The following APOL6 variants were observed in gnomAD, a reference collection of about 807,000 sequenced individuals.
APOL6 encodes the protein apolipoprotein L6.
A neutral mutation model predicts 2.4 loss-of-function variants in APOL6; 1 was observed. That is an observed-to-expected ratio of 0.41 (90% confidence interval 0.15 to 1.94). The LOEUF (loss-of-function observed/expected upper bound fraction) is 1.94. APOL6 is among the 30% of genes most tolerant of loss of function. The pLI is 0.30. For missense variants in APOL6, 438 were observed against 429.2 expected (o/e 1.02, Z -0.18); for synonymous variants, 189 against 169.3 (o/e 1.12, Z -0.90).
Position 35,668,262 on chromosome 22 carries a change from T to C in APOL6, c.*8666T>C, listed in dbSNP as rs1925247119. 6.6e-6 allele frequency: 1 copy of C among 152,228 alleles called. No homozygotes were observed. The highest frequency in any genetic ancestry group is 2.4e-5 in the African/African-American group (1 of 41,450). The allele number at this position is 152,228 out of a possible 1,614,324, so 9.4% of individuals were successfully genotyped here. ...GACCAATGTATATCTTAAATGTATT[T>C]GATTGATCTCTCATGTCTCCCTAAA... On this transcript the variant is annotated 3_prime_UTR_variant, in exon 3 of 3. Coordinates refer to ENST00000409652, the MANE Select transcript of APOL6 (RefSeq NM_030641.4).
At chr22:35,653,318 A>G (rs1924749301) in intron 1 of APOL6, among the ~76,000 whole-genome samples, 1 of 152,198 alleles carries the variant, frequency 6.6e-6, no homozygotes, top group Admixed American at 6.5e-5. Context: ...GGGGTTTTCT[A>G]GATATACAAT....
In APOL6 at chr22:35,658,467, T is replaced by A. The variant is rs369409316; in HGVS notation, c.51-148T>A. The A allele has an allele frequency of 1.6e-5, 11 of 687,884 alleles. 1 individual carries two copies. In the African/African-American group the frequency reaches 2.0e-4, roughly 12 times the overall value. The allele number at this position is 687,884 out of a possible 1,614,324, so 42.6% of individuals were successfully genotyped here. On this transcript the variant is annotated intron_variant, in intron 2 of 2. Coordinates refer to ENST00000409652, the MANE Select transcript of APOL6 (RefSeq NM_030641.4). ...CAGTAGTTTTCAGCGAAGGCTGAAC[T>A]ACTCTACAATGCTCTAGGACTTTTC... is the stretch of plus-strand genomic sequence containing the variant.
Position 35,659,457 on chromosome 22 carries a change from C to A in APOL6, c.893C>A (p.Ser298Ter). ...AAGAGCTTGCAGCAGAAAGTGAGGTCAAGGGCCAGAGGGGTGGGGAAGGAT... is the reference window on the plus strand; with the variant it reads ...AAGAGCTTGCAGCAGAAAGTGAGGTAAAGGGCCAGAGGGGTGGGGAAGGAT... ...LYKSLQQKVRSRARGVGKDLT... is the reference protein window; with the variant it reads ...LYKSLQQKVR Residue 298 changes from serine to a stop codon, truncating the protein, a stop_gained, in exon 3 of 3, where the codon TCA (serine) becomes TAA (stop). Transcript: ENST00000409652. LOFTEE classifies it low-confidence loss of function (END_TRUNC). 6.2e-7 allele frequency: 1 copy of A among 1,612,770 alleles called. No individual in the cohort carries two copies. The highest frequency in any genetic ancestry group is 1.3e-5 in the African/African-American group (1 of 74,640).
chr22:35,660,732 C>A lies in APOL6; in HGVS notation c.*1136C>A, dbSNP rs1371207299. On this transcript the variant is annotated 3_prime_UTR_variant, in exon 3 of 3. Coordinates refer to ENST00000409652, the MANE Select transcript of APOL6 (RefSeq NM_030641.4). ...ATGGCACTGTCTTGCTGTGTTCTCA[C>A]ATGGCAGAAGGGGCAAACAAGCCCC... is the stretch of plus-strand genomic sequence containing the variant. The A allele has an allele frequency of 6.6e-6, 1 of 152,412 alleles. No individual in the cohort carries two copies. Among genetic ancestry groups the A allele is most frequent in the Admixed American group, 6.5e-5 (1 of 15,286 alleles). The allele number at this position is 152,412 out of a possible 1,614,324, so 9.4% of individuals were successfully genotyped here.
At chr22:35,656,597 CG>C in intron 2 of APOL6, 122 bp downstream of exon 2, 2 of 1,130,118 alleles carry the variant, frequency 1.8e-6, no homozygotes, top group South Asian at 2.5e-5. Context: ...CTTATCTTAC[CG>C]CTGGTCTCCA....
intron 1 of APOL6, among the ~76,000 whole-genome samples, chr22:35,651,685 A>T (rs1924701701): frequency 6.6e-6 from 1 of 152,074 alleles, no homozygotes; most frequent in East Asian, 1.9e-4. Context: ...GCTGAGAATG[A>T]TGGTTTCCAG....
chr22:35,663,362 T>C lies in APOL6; in HGVS notation c.*3766T>C, dbSNP rs1925084312. The C allele has an allele frequency of 6.6e-6, 1 of 152,126 alleles. No individual in the cohort carries two copies. Among genetic ancestry groups the C allele is most frequent in the Admixed American group, 6.6e-5 (1 of 15,260 alleles). 9.4% of individuals were successfully genotyped at this position (152,126 alleles called of 1,614,324 possible). A position where few individuals can be genotyped will look rare whatever the true frequency, so the allele number is the denominator to read the frequency against. On this transcript the variant is annotated 3_prime_UTR_variant, in exon 3 of 3. Coordinates refer to ENST00000409652, the MANE Select transcript of APOL6 (RefSeq NM_030641.4). Reference sequence around the variant, plus strand: ...TGGTAATAAGATTTTTTTTTTAAGTTTTTAAAGAAGCTCAGTGGTTGAAAG... The same window carrying C: ...TGGTAATAAGATTTTTTTTTTAAGTCTTTAAAGAAGCTCAGTGGTTGAAAG...
Position 35,659,826 on chromosome 22 carries a change from CGT to C in APOL6, c.*231_*232del. On this transcript the variant is annotated 3_prime_UTR_variant, in exon 3 of 3. Transcript: ENST00000409652. ...TGTTGCCCAGGCTGGAGTGCAGTGG[CGT>C]AATCTCGGCTCACTGCAACCTCTGC... 1 of 652,030 alleles carries C rather than the reference CGT, an allele frequency of 1.5e-6. No homozygotes were observed. Among genetic ancestry groups the C allele is most frequent in the South Asian group, 2.5e-5 (1 of 40,812 alleles). 40.4% of individuals were successfully genotyped at this position (652,030 alleles called of 1,614,324 possible).
intron 1 of APOL6, among the ~76,000 whole-genome samples, chr22:35,650,561 T>C (rs535448442): frequency 1.3e-5 from 2 of 152,292 alleles, no homozygotes; most frequent in East Asian, 3.9e-4. Context: ...TATTTCTAAA[T>C]TTTCAACCTT....
In APOL6 at chr22:35,664,130, G is replaced by T. The variant is rs1032753052; in HGVS notation, c.*4534G>T. ...TAGTATTAGAAATGTCTTAAGAATT[G>T]CCAGCATACATTTTTGTTTGCATTA... On this transcript the variant is annotated 3_prime_UTR_variant, in exon 3 of 3. Transcript: ENST00000409652. The T allele has an allele frequency of 1.3e-5, 2 of 152,090 alleles. No individual in the cohort carries two copies. The highest frequency in any genetic ancestry group is 2.9e-5 in the Non-Finnish European group (2 of 68,014). 9.4% of individuals were successfully genotyped at this position (152,090 alleles called of 1,614,324 possible).
intron 1 of APOL6, among the ~76,000 whole-genome samples, chr22:35,652,168 A>T (rs575805900): frequency 3.2e-4 from 48 of 152,068 alleles, no homozygotes; most frequent in Admixed American, 1.4e-3. Context: ...GCATTTTTTC[A>T]TGTGTCTTTT....
chr22:35,659,263 T>C lies in APOL6; in HGVS notation c.699T>C (p.Ala233=), dbSNP rs1239209757. The change falls in exon 3 of 3, where the codon GCT becomes GCC. Residue 233 remains alanine, a synonymous_variant. Coordinates refer to ENST00000409652, the MANE Select transcript of APOL6 (RefSeq NM_030641.4). ...AGTTLAMTKN[A]RVLGGVMSAF... ...CAACACTGGCGATGACCAAAAATGC[T>C]CGCGTGCTGGGAGGTGTGATGTCCG... The C allele has an allele frequency of 6.2e-7, 1 of 1,614,148 alleles. No homozygotes were observed. The highest frequency in any genetic ancestry group is 8.5e-7 in the Non-Finnish European group (1 of 1,180,024).
rs560965455 is a variant in APOL6, at chr22:35,660,337, A to T, written c.*741A>T. 130 of 152,426 alleles carry T rather than the reference A, an allele frequency of 8.5e-4. No individual in the cohort carries two copies. Among genetic ancestry groups the T allele is most frequent in the African/African-American group, 3.0e-3 (126 of 41,594 alleles). The allele number at this position is 152,426 out of a possible 1,614,324, so 9.4% of individuals were successfully genotyped here. On this transcript the variant is annotated 3_prime_UTR_variant, in exon 3 of 3. Transcript: ENST00000409652. ...TACACTGAAGGAAGGCTATTTGCAGATGCAGCAAGAAGGCAGCCATCTGCA... is the reference window on the plus strand; with the variant it reads ...TACACTGAAGGAAGGCTATTTGCAGTTGCAGCAAGAAGGCAGCCATCTGCA...
chr22:35,656,488 G>A lies in APOL6; in HGVS notation c.50+13G>A, dbSNP rs576795263. 3.1e-6 allele frequency: 5 copies of A among 1,614,052 alleles called. No homozygotes were observed. The South Asian group carries it at 5.5e-5, about 18-fold the overall frequency. On this transcript the variant is annotated intron_variant, in intron 2 of 2. Transcript: ENST00000409652. ...TTGGTTTGCAAAGGTAATCCAAAGG[G>A]TGTAGTCCCCAGGGAGAGGGCTGAT... is the stretch of plus-strand genomic sequence containing the variant.
Position 35,659,466 on chromosome 22 carries a change from G to A in APOL6, c.902G>A (p.Arg301Lys). The change falls in exon 3 of 3, where the codon AGA becomes AAA. Residue 301 changes from arginine (R) to lysine (K), a missense_variant. Arg to Lys is a conservative substitution (Grantham distance 26). Transcript: ENST00000409652. ...CAGCAGAAAGTGAGGTCAAGGGCCAGAGGGGTGGGGAAGGATTTAACTGGG... is the reference window on the plus strand; with the variant it reads ...CAGCAGAAAGTGAGGTCAAGGGCCAAAGGGGTGGGGAAGGATTTAACTGGG... The part of the protein sequence containing the change: ...SLQQKVRSRA[R>K]GVGKDLTGTC... The A allele has an allele frequency of 6.2e-7, 1 of 1,614,144 alleles. No individual in the cohort carries two copies. The highest frequency in any genetic ancestry group is 8.5e-7 in the Non-Finnish European group (1 of 1,180,036).
Position 35,659,388 on chromosome 22 carries a change from C to A in APOL6, c.824C>A (p.Ala275Asp), listed in dbSNP as rs765700064. 2.8e-5 allele frequency: 45 copies of A among 1,614,002 alleles called. No individual in the cohort carries two copies. The East Asian group carries it at 7.1e-4, about 26-fold the overall frequency. Reference sequence around the variant, plus strand: ...TTTGCGGAAGAGTTGAGAGCCAAGGCCTTGGAGCTGGAGAGGAAACTCACA... The same window carrying A: ...TTTGCGGAAGAGTTGAGAGCCAAGGACTTGGAGCTGGAGAGGAAACTCACA... ...TKFAEELRAK[A>D]LELERKLTEL... Residue 275 changes from alanine to aspartate, a missense_variant, in exon 3 of 3, where the codon GCC (alanine) becomes GAC (aspartate). Physicochemically the swap from Ala to Asp is moderately radical, Grantham distance 126. Transcript: ENST00000409652.
chr22:35,655,335 C>T (rs1344302690), intron 1 of APOL6, among the ~76,000 whole-genome samples: 1 of 152,116 alleles, frequency 6.6e-6, no homozygotes. Flanking sequence ...TAAGGAATCA[C>T]TTACCCAGGT....
At position 35,658,799 on chromosome 22, in the gene APOL6, A is replaced by G. The variant is rs202011885; in HGVS notation, c.235A>G (p.Met79Val). Residue 79 changes from methionine to valine, a missense_variant, in exon 3 of 3, where the codon ATG becomes GTG. Met to Val is a conservative substitution (Grantham distance 21). Transcript: ENST00000409652. ...CCACAAGAAATTCACCAAGGCTAAC[A>G]TGGTGGCCACCTCTACTGCTGTCAT... ...KTHKKFTKAN[M>V]VATSTAVISG... 3.1e-6 allele frequency: 5 copies of G among 1,614,166 alleles called. No homozygotes were observed. The East Asian group carries it at 1.1e-4, about 36-fold the overall frequency.
chr22:35,667,087 AC>A lies in APOL6; in HGVS notation c.*7492del, dbSNP rs1925206073. 6.6e-6 allele frequency: 1 copy of A among 152,192 alleles called. No homozygotes were observed. The highest frequency in any genetic ancestry group is 2.4e-5 in the African/African-American group (1 of 41,452). 9.4% of individuals were successfully genotyped at this position (152,192 alleles called of 1,614,324 possible). On this transcript the variant is annotated 3_prime_UTR_variant, in exon 3 of 3. Coordinates refer to ENST00000409652, the MANE Select transcript of APOL6 (RefSeq NM_030641.4). The stretch of plus-strand genomic sequence containing the variant: ...GCTTTTCTTTAAGGAATCAAACTTG[AC>A]TTATGGAACCAATAAAGTCCTTGGA...
Sources: gnomAD v4.1 joint callset for allele counts (sites outside exome capture counted in the v4.1 genomes callset) on GRCh38, gnomAD v4.1.1 for gene constraint, MANE v1.5 for transcripts, NCBI Gene and HGNC (gene_info 2026-07-23, HGNC 2026-07-21) for gene names.